The following SYT14 variants were observed in gnomAD, a reference collection of about 807,000 sequenced individuals.
SYT14 encodes the protein synaptotagmin-14.
In SYT14, 32 loss-of-function variants were observed where a neutral mutation model predicts 74.2. That is an observed-to-expected ratio of 0.43 (90% CI 0.33 to 0.58). The LOEUF (loss-of-function observed/expected upper bound fraction) is 0.58, where lower values mean the gene tolerates loss of function less well. Ranked by LOEUF, SYT14 falls within the 20% of genes least tolerant of loss-of-function variation. The pLI is 0.05. For missense variants in SYT14, 791 were observed against 981.8 expected (o/e 0.81, Z 2.60); for synonymous variants, 298 against 337.7 (o/e 0.88, Z 1.29).
chr1:209,991,628 A>G (rs1197921214), intron 2 of SYT14, among the ~76,000 whole-genome samples: 1 of 152,148 alleles, frequency 6.6e-6, no homozygotes, highest in Non-Finnish European at 1.5e-5. Flanking sequence ...AAGTCAAATA[A>G]CATCTAACCT....
chr1:210,060,788 T>C (rs1046123870), intron 5 of SYT14, among the ~76,000 whole-genome samples: 7 of 152,110 alleles, frequency 4.6e-5, no homozygotes, highest in Non-Finnish European at 1.0e-4. Flanking sequence ...GTTAAATTTC[T>C]ATGCATCATT....
chr1:210,115,757 T>C (rs2082347917), intron 7 of SYT14, among the ~76,000 whole-genome samples: 1 of 151,238 alleles, frequency 6.6e-6, no homozygotes, highest in East Asian at 1.9e-4. Context: ...CCCGAGGTCG[T>C]AGGTGGATCT....
At chr1:210,162,654 G>T (rs1038263480) in exon 10 of SYT14, 5 of 441,434 alleles carry the variant, frequency 1.1e-5, no homozygotes, top group African/African-American at 4.1e-5. Flanking sequence ...ATATATTATT[G>T]TAAACTAGAA....
intron 2 of SYT14, among the ~76,000 whole-genome samples, chr1:209,981,469 T>TTTTTTTTTTTTTTTTTTTTTTTC (rs71143902): frequency 7.1e-6 from 1 of 140,562 alleles, no homozygotes. Flanking sequence ...TTTTTTTTTT[T>TTTTTTTTTTTTTTTTTTTTTTTC]GAGGCAGGAT....
At chr1:210,130,371 GT>G (rs1426409930) in intron 7 of SYT14, among the ~76,000 whole-genome samples, 1 of 151,698 alleles carries the variant, frequency 6.6e-6, no homozygotes, top group African/African-American at 2.4e-5. Flanking sequence ...AAAAAAAATG[GT>G]TTTTTTTCCA....
rs974875142 is a variant in SYT14, at chr1:210,013,578, A to G, written c.-485-55A>G. The G allele has an allele frequency of 1.1e-5, 17 of 1,540,414 alleles. No individual in the cohort carries two copies. The African/African-American group carries it at 2.1e-4, about 19-fold the overall frequency. On this transcript the variant is annotated intron_variant, in intron 2 of 9. Coordinates refer to ENST00000637265, the Ensembl canonical transcript of SYT14. ...ACTTAATGTTTGGGGTTTCCTTCTT[A>G]TTTGTAGCTTAAAGAAAAATAAATG...
exon 10 of SYT14, chr1:210,170,901 G>A (rs370304788): frequency 6.6e-5 from 10 of 152,148 alleles, no homozygotes; most frequent in African/African-American, 9.6e-5. Context: ...ACTTACAAAT[G>A]CAAACATTTA....
At chr1:209,981,139 T>C (rs1255792661) in intron 2 of SYT14, among the ~76,000 whole-genome samples, 1 of 152,206 alleles carries the variant, frequency 6.6e-6, no homozygotes, top group Non-Finnish European at 1.5e-5. Flanking sequence ...GGTTTGTAGT[T>C]CACCTTGAAG....
At chr1:210,082,071 A>T (rs142275049) in intron 5 of SYT14, among the ~76,000 whole-genome samples, 1 of 152,220 alleles carries the variant, frequency 6.6e-6, no homozygotes, top group East Asian at 1.9e-4. Context: ...TAAGGAGCAA[A>T]GCAAAGCAGT....
intron 5 of SYT14, among the ~76,000 whole-genome samples, chr1:210,059,451 T>TATATATATATAG (rs377050610): frequency 1.6e-3 from 112 of 69,882 alleles, no homozygotes; most frequent in African/African-American, 3.7e-3. Flanking sequence ...TATATATATA[T>TATATATATATAG]AGAGAGAGAG....
At chr1:209,997,956 G>A (rs2079828051) in intron 2 of SYT14, among the ~76,000 whole-genome samples, 2 of 151,958 alleles carry the variant, frequency 1.3e-5, no homozygotes, top group African/African-American at 2.4e-5. Flanking sequence ...GATTTATAAT[G>A]TTCTTTATTT....
intron 5 of SYT14, among the ~76,000 whole-genome samples, chr1:210,041,573 G>C (rs891222949): frequency 1.3e-5 from 2 of 152,072 alleles, no homozygotes; most frequent in Non-Finnish European, 2.9e-5. Context: ...CATACACTAA[G>C]TGAAAAAAGC....
exon 7 of SYT14, chr1:210,100,311 T>A: frequency 6.2e-7 from 1 of 1,614,146 alleles, no homozygotes; most frequent in Non-Finnish European, 8.5e-7. Context: ...CTGAGATGAT[T>A]GGAAATTATG....
chr1:210,076,223 T>C (rs534356631), intron 5 of SYT14, among the ~76,000 whole-genome samples: 1 of 152,290 alleles, frequency 6.6e-6, no homozygotes, highest in South Asian at 2.1e-4. Flanking sequence ...TATTGATTAC[T>C]AGGTGGAACC....
intron 5 of SYT14, among the ~76,000 whole-genome samples, chr1:210,075,576 GC>G (rs2081483364): frequency 6.7e-6 from 1 of 148,468 alleles, no homozygotes; most frequent in Admixed American, 6.6e-5. Context: ...CTCGTGATCC[GC>G]CTGCCTCGGC....
chr1:210,162,512 G>A (rs1048415195), exon 10 of SYT14: 2 of 349,816 alleles, frequency 5.7e-6, no homozygotes, highest in Admixed American at 4.3e-5. Flanking sequence ...TACTTTATCA[G>A]AGTATGTTTT....
chr1:209,992,964 A>G (rs1225577146), intron 2 of SYT14, among the ~76,000 whole-genome samples: 1 of 152,130 alleles, frequency 6.6e-6, no homozygotes, highest in Non-Finnish European at 1.5e-5. Context: ...GAAAGAGGTG[A>G]ATGAAGGACC....
rs149811026 is a variant in SYT14 at position 210,010,699 on chromosome 1, G to A, written c.-485-2934G>A. ...ATTTTAGGGCAAGAGAAAGATGAAA[G>A]AGGAACGTAGAAATAAGGATTGAGG... On this transcript the variant is annotated intron_variant, in intron 2 of 9. Coordinates refer to ENST00000637265, the Ensembl canonical transcript of SYT14. Among the ~76,000 whole-genome samples the A allele has an allele frequency of 4.4e-3, 664 of 152,232 alleles. 3 individuals carry two copies. Among genetic ancestry groups the A allele is most frequent in the African/African-American group, 0.012 (507 of 41,554 alleles).
chr1:210,018,002 G>A (rs2080221314), intron 4 of SYT14, among the ~76,000 whole-genome samples: 1 of 152,154 alleles, frequency 6.6e-6, no homozygotes, highest in Non-Finnish European at 1.5e-5. Context: ...ACATAATAGG[G>A]ATCTGCTATT....
Sources: allele counts gnomAD v4.1 joint callset (sites outside exome capture counted in the v4.1 genomes callset), GRCh38; gene constraint gnomAD v4.1.1; transcripts MANE v1.5; gene names NCBI Gene and HGNC (gene_info 2026-07-23, HGNC 2026-07-21).